RUBCNL: variants seen among roughly 807,000 people sequenced by gnomAD.
RUBCNL encodes the protein protein associated with UVRAG as autophagy enhancer.
In RUBCNL, 62 loss-of-function variants were observed where a neutral mutation model predicts 69.5. That is an observed-to-expected ratio of 0.89 (90% CI 0.73 to 1.10). The LOEUF is 1.10. Ranked by LOEUF, RUBCNL falls within the 50% of genes least tolerant of loss-of-function variation. The pLI is 0.00. For missense variants in RUBCNL, 768 were observed against 798.1 expected, an observed-to-expected ratio of 0.96 and a Z score of 0.45; for synonymous variants, 291 against 303.6, an observed-to-expected ratio of 0.96 and a Z score of 0.43.
intron 12 of RUBCNL, among the ~76,000 whole-genome samples, chr13:46,348,667 G>A (rs935320018): frequency 6.6e-6 from 1 of 150,898 alleles, no homozygotes; most frequent in Non-Finnish European, 1.5e-5. Flanking sequence ...TCAGTGGTGC[G>A]ATCTTGATTC....
chr13:46,387,889 A>G, upstream of RUBCNL: 1 of 978,872 alleles, frequency 1.0e-6, no homozygotes, highest in Non-Finnish European at 1.2e-6. Context: ...CCTGCCAACC[A>G]ATACAGAAAG....
chr13:46,386,695 T>A (rs1208013280), intron 1 of RUBCNL, among the ~76,000 whole-genome samples: 4 of 152,144 alleles, frequency 2.6e-5, no homozygotes, highest in African/African-American at 9.7e-5. Flanking sequence ...TAGCCAAATG[T>A]TTTTCTGTCA....
At position 46,339,860 on chromosome 13, in the gene RUBCNL, AAAAAAC is replaced by A. The variant is rs71074772; in HGVS notation, c.*3519_*3524del. On this transcript the variant is annotated 3_prime_UTR_variant, in exon 15 of 15. Coordinates refer to ENST00000429979, the MANE Select transcript of RUBCNL (RefSeq NM_025113.5). ...GGTGACAGAGCAAGACTCCATTTCA[AAAAAAC>A]AAAAACAAAAACAAAACAAAACAAA... is the stretch of plus-strand genomic sequence containing the variant. 2.0e-5 allele frequency among the ~76,000 whole-genome samples: 3 copies of A among 150,526 alleles called. No homozygotes were observed. Among genetic ancestry groups the A allele is most frequent in the Non-Finnish European group, 4.4e-5 (3 of 67,628 alleles).
At chr13:46,383,941 C>T (rs949798236) in intron 1 of RUBCNL, among the ~76,000 whole-genome samples, 1 of 152,162 alleles carries the variant, frequency 6.6e-6, no homozygotes, top group Non-Finnish European at 1.5e-5. Flanking sequence ...ACAAGCACAG[C>T]GGTGAACAGA....
intron 5 of RUBCNL, among the ~76,000 whole-genome samples, chr13:46,363,970 A>G (rs900656977): frequency 1.3e-5 from 2 of 150,070 alleles, no homozygotes; most frequent in South Asian, 4.2e-4. Flanking sequence ...TCATTATTAT[A>G]TTATTAATAT....
intron 6 of RUBCNL, among the ~76,000 whole-genome samples, chr13:46,362,818 C>A (rs1309001786): frequency 6.6e-6 from 1 of 150,568 alleles, no homozygotes; most frequent in East Asian, 2.0e-4. Flanking sequence ...CAAAATATAA[C>A]TGAGAGGCCA....
chr13:46,384,407 A>T (rs2049189375), intron 1 of RUBCNL, among the ~76,000 whole-genome samples: 1 of 152,204 alleles, frequency 6.6e-6, no homozygotes. Flanking sequence ...TCTTTATAAG[A>T]ATAATACAAT....
intron 5 of RUBCNL, among the ~76,000 whole-genome samples, chr13:46,364,236 A>C (rs959466828): frequency 6.6e-6 from 1 of 152,012 alleles, no homozygotes; most frequent in Admixed American, 6.5e-5. Flanking sequence ...TCTACTAAAA[A>C]TACAAAAAAA....
intron 12 of RUBCNL, among the ~76,000 whole-genome samples, chr13:46,348,606 A>ATTTT (rs386379048): frequency 5.5e-4 from 77 of 138,870 alleles, no homozygotes; most frequent in African/African-American, 1.8e-3. Flanking sequence ...ACGAGATTTG[A>ATTTT]TTTTTTTTTT....
intron 5 of RUBCNL, among the ~76,000 whole-genome samples, chr13:46,363,506 T>C (rs781570592): frequency 1.3e-5 from 2 of 152,058 alleles, no homozygotes; most frequent in Non-Finnish European, 2.9e-5. Flanking sequence ...CATCTAAACG[T>C]TTAATAATAG....
chr13:46,368,933 G>T (rs1465979052), intron 3 of RUBCNL, 118 bp from the exon 4 acceptor site: 1 of 715,312 alleles, frequency 1.4e-6, no homozygotes, highest in East Asian at 2.6e-5. Flanking sequence ...CACAATTCTA[G>T]AATAAATTCA....
intron 1 of RUBCNL, among the ~76,000 whole-genome samples, chr13:46,381,734 C>T (rs1343635533): frequency 6.6e-6 from 1 of 152,174 alleles, no homozygotes; most frequent in Admixed American, 6.5e-5. Context: ...AGGCATGCGC[C>T]ACCACGCCCG....
chr13:46,362,951 T>TATAG (rs1282146504), intron 6 of RUBCNL, among the ~76,000 whole-genome samples, 164 bp downstream of exon 6: 3 of 65,078 alleles, frequency 4.6e-5, no homozygotes, highest in Non-Finnish European at 8.2e-5. Flanking sequence ...TATATATATA[T>TATAG]ATATATATAT....
intron 9 of RUBCNL, 38 bp from the exon 10 acceptor site, chr13:46,356,534 A>C (rs2048489025): frequency 6.4e-7 from 1 of 1,563,152 alleles, no homozygotes; most frequent in Non-Finnish European, 8.8e-7. Context: ...ATTTCAGAGA[A>C]GGCCAATGGC....
chr13:46,363,194 G>A lies in RUBCNL; in HGVS notation c.846C>T (p.Val282=), dbSNP rs1430094059. The A allele has an allele frequency of 3.1e-5, 49 of 1,585,878 alleles. No homozygotes were observed. Among genetic ancestry groups the A allele is most frequent in the Non-Finnish European group, 4.2e-5 (49 of 1,165,140 alleles). ...AAGTACGTGTTTCAGTCACTGGGCT[G>A]ACCTGTAACACAGCACAACCTAGAC... ...SGYEGCAVLQ[V]SPVTETRTYH... The change falls in exon 6 of 15, where the codon GTC becomes GTT. Residue 282 remains valine, a synonymous_variant. Coordinates refer to ENST00000429979, the MANE Select transcript of RUBCNL (RefSeq NM_025113.5).
chr13:46,378,631 G>A (rs2049052767), intron 1 of RUBCNL: 1 of 152,186 alleles, frequency 6.6e-6, no homozygotes, highest in South Asian at 2.1e-4. Context: ...AGAGCCACCA[G>A]AGACACAGTA....
rs775691381 is a variant in RUBCNL at position 46,350,205 on chromosome 13, G to A, written c.1477C>T (p.Leu493=). The A allele has an allele frequency of 1.3e-6, 2 of 1,593,152 alleles. No individual in the cohort carries two copies. The highest frequency in any genetic ancestry group is 2.3e-5 in the South Asian group (2 of 87,522). Residue 493 remains leucine, a synonymous_variant, in exon 11 of 15, where the codon CTG becomes TTG. Transcript: ENST00000429979. The part of the protein sequence containing the change: ...KYYVSNFSKQ[L]LDSIWHQPIF... Reference sequence around the variant, plus strand: ...GGCTGGTGCCATATGCTGTCGAGCAGCTGTTTGGAGAAATTGCTGACGTAG... The same window carrying A: ...GGCTGGTGCCATATGCTGTCGAGCAACTGTTTGGAGAAATTGCTGACGTAG...
intron 1 of RUBCNL, among the ~76,000 whole-genome samples, chr13:46,378,859 T>A (rs1405889176): frequency 6.6e-6 from 1 of 152,206 alleles, no homozygotes; most frequent in Non-Finnish European, 1.5e-5. Context: ...GCCCCAATAC[T>A]AACTGCCTAT....
rs1313935062 is a variant in RUBCNL, at chr13:46,368,257, A to T, written c.619-8T>A. On this transcript the variant is annotated splice_polypyrimidine_tract_variant and splice_region_variant and intron_variant, in intron 4 of 14. Transcript: ENST00000429979. Reference sequence around the variant, plus strand: ...ATAAAAGTGGGCATTTTCCTGCAGAAAAAGAAATCAATTAAAATACAAGCA... The same window carrying T: ...ATAAAAGTGGGCATTTTCCTGCAGATAAAGAAATCAATTAAAATACAAGCA... 6.2e-7 allele frequency: 1 copy of T among 1,607,912 alleles called. No homozygotes were observed. The highest frequency in any genetic ancestry group is 1.1e-5 in the South Asian group (1 of 90,630).
Sources: allele counts gnomAD v4.1 joint callset (sites outside exome capture counted in the v4.1 genomes callset), GRCh38; gene constraint gnomAD v4.1.1; transcripts MANE v1.5; gene names NCBI Gene and HGNC (gene_info 2026-07-23, HGNC 2026-07-21).